LRAT: variants seen among roughly 807,000 people sequenced by gnomAD.
LRAT encodes lecithin retinol acyltransferase (phosphatidylcholine--retinol O-acyltransferase).
A neutral mutation model predicts 14.2 loss-of-function variants in LRAT; 11 were observed. That is an observed-to-expected ratio of 0.78 (90% CI 0.49 to 1.29). The LOEUF (loss-of-function observed/expected upper bound fraction) is 1.29, where lower values mean the gene tolerates loss of function less well. Among genes scored for constraint, LRAT ranks in the 50% most tolerant of loss-of-function variants. LRAT has a pLI of 0.00. For synonymous variants in LRAT, 144 were observed against 124.8 expected (o/e 1.15, Z -1.03); for missense variants, 274 against 292.4 (o/e 0.94, Z 0.46).
At chr4:154,741,739 A>G (rs1409009547), upstream of LRAT, among the ~76,000 whole-genome samples, 1 of 152,174 alleles carries the variant, frequency 6.6e-6, no homozygotes, top group East Asian at 1.9e-4. Flanking sequence ...GGACAAGGCT[A>G]TTGAGTCTAT....
At chr4:154,742,749 C>T (rs1455508035), upstream of LRAT, among the ~76,000 whole-genome samples, 5 of 152,314 alleles carry the variant, frequency 3.3e-5, no homozygotes, top group East Asian at 7.7e-4. Flanking sequence ...CCTAGGACCA[C>T]CCTCGAGGAG....
chr4:154,746,574 T>G (rs1308864597), intron 2 of LRAT, among the ~76,000 whole-genome samples: 1 of 152,120 alleles, frequency 6.6e-6, no homozygotes, highest in Non-Finnish European at 1.5e-5. Flanking sequence ...GCTCCCAAAG[T>G]GTACAAAAGG....
At position 154,751,445 on chromosome 4, in the gene LRAT, G is replaced by T. The variant is rs1732987044; in HGVS notation, c.*2309G>T. On this transcript the variant is annotated 3_prime_UTR_variant, in exon 3 of 3. Transcript: ENST00000336356. ...CATCTTCCTGATCACAGTTATAAAA[G>T]AAACCCTGAGGCCGGGCGCGGTGGC... is the stretch of plus-strand genomic sequence containing the variant. The T allele has an allele frequency of 6.6e-6, 1 of 152,086 alleles. No individual in the cohort carries two copies. Among genetic ancestry groups the T allele is most frequent in the Admixed American group, 6.6e-5 (1 of 15,256 alleles). The allele number at this position is 152,086 out of a possible 1,614,324, so 9.4% of individuals were successfully genotyped here.
At chr4:154,743,108 G>C (rs1231219926), upstream of LRAT, among the ~76,000 whole-genome samples, 4 of 141,586 alleles carry the variant, frequency 2.8e-5, no homozygotes, top group African/African-American at 5.1e-5. Flanking sequence ...CTGGACTCGC[G>C]GGTAGCGACC....
upstream of LRAT, among the ~76,000 whole-genome samples, chr4:154,742,112 G>C (rs1171042779): frequency 6.6e-6 from 1 of 152,158 alleles, no homozygotes; most frequent in Non-Finnish European, 1.5e-5. Context: ...CGATTTTAGC[G>C]AAGGGTGCTG....
upstream of LRAT, among the ~76,000 whole-genome samples, chr4:154,742,938 C>T (rs1290275999): frequency 1.3e-5 from 2 of 151,468 alleles, no homozygotes; most frequent in East Asian, 3.9e-4. Context: ...TCCATGTGAC[C>T]CTGAAGCCGG....
Position 154,749,835 on chromosome 4 carries a change from T to G in LRAT, c.*699T>G, listed in dbSNP as rs1732954810. On this transcript the variant is annotated 3_prime_UTR_variant, in exon 3 of 3. Transcript: ENST00000336356. The stretch of plus-strand genomic sequence containing the variant: ...TACTAGGAAGCCTGGAATTCATTAT[T>G]TTTTTCCTTTTATGTGCCACTGTGG... The G allele has an allele frequency of 6.6e-6, 1 of 152,236 alleles. No individual in the cohort carries two copies. The allele number at this position is 152,236 out of a possible 1,614,324, so 9.4% of individuals were successfully genotyped here.
Position 154,751,215 on chromosome 4 carries a change from A to G in LRAT, c.*2079A>G, listed in dbSNP as rs983001034. ...AAGAGAAATCTGTATGCAGGAGGCAATGCTAGCATTAAGCCAAGAAATAGT... is the reference window on the plus strand; with the variant it reads ...AAGAGAAATCTGTATGCAGGAGGCAGTGCTAGCATTAAGCCAAGAAATAGT... On this transcript the variant is annotated 3_prime_UTR_variant, in exon 3 of 3. Coordinates refer to ENST00000336356, the MANE Select transcript of LRAT (RefSeq NM_004744.5). 2.0e-5 allele frequency: 3 copies of G among 152,226 alleles called. No individual in the cohort carries two copies. The highest frequency in any genetic ancestry group is 7.2e-5 in the African/African-American group (3 of 41,464). 9.4% of individuals were successfully genotyped at this position (152,226 alleles called of 1,614,324 possible).
rs2111038135 is a variant in LRAT at position 154,748,988 on chromosome 4, G to A, written c.545G>A (p.Cys182Tyr). 3.7e-6 allele frequency: 6 copies of A among 1,613,600 alleles called. No homozygotes were observed. The highest frequency in any genetic ancestry group is 5.1e-6 in the Non-Finnish European group (6 of 1,179,652). The change falls in exon 3 of 3, where the codon TGT becomes TAT. Residue 182 changes from cysteine (C) to tyrosine (Y), a missense_variant. Coordinates refer to ENST00000336356, the MANE Select transcript of LRAT (RefSeq NM_004744.5). ...TTCCAATATTTTATTTTCCAGTTTT[G>A]TGAGACTGTGAAGATAATTATTCGT... is the stretch of plus-strand genomic sequence containing the variant. ...TPISPQSDKFCETVKIIIRDQ... is the reference protein window; with the variant it reads ...TPISPQSDKFYETVKIIIRDQ...
upstream of LRAT, among the ~76,000 whole-genome samples, chr4:154,743,631 G>A (rs928338842): frequency 1.3e-5 from 2 of 152,126 alleles, no homozygotes; most frequent in African/African-American, 4.8e-5. Flanking sequence ...GAGGAAGGTG[G>A]TCCAACTCAG....
intron 2 of LRAT, among the ~76,000 whole-genome samples, chr4:154,746,876 C>T (rs1414252504): frequency 6.6e-6 from 1 of 151,970 alleles, no homozygotes; most frequent in Non-Finnish European, 1.5e-5. Flanking sequence ...TGAGTTTTGT[C>T]TTCACTTTGA....
At position 154,744,364 on chromosome 4, in the gene LRAT, T is replaced by C. The variant is rs746808946; in HGVS notation, c.38T>C (p.Leu13Pro). ...NPMLEVVSLL[L>P]EKLLLISNFT... ...ATGCTGGAGGTGGTGTCTTTACTAC[T>C]GGAGAAGCTGCTCCTCATCTCCAAC... is the stretch of plus-strand genomic sequence containing the variant. Residue 13 changes from leucine to proline, a missense_variant, in exon 2 of 3, where the codon CTG becomes CCG. Coordinates refer to ENST00000336356, the MANE Select transcript of LRAT (RefSeq NM_004744.5). 2 of 1,614,134 alleles carry C rather than the reference T, an allele frequency of 1.2e-6. No individual in the cohort carries two copies. The highest frequency in any genetic ancestry group is 2.2e-5 in the East Asian group (1 of 44,852).
Position 154,744,466 on chromosome 4 carries a change from G to A in LRAT, c.140G>A (p.Arg47Gln), listed in dbSNP as rs892797111. 1.2e-6 allele frequency: 2 copies of A among 1,614,040 alleles called. No homozygotes were observed. The highest frequency in any genetic ancestry group is 1.7e-5 in the Admixed American group (1 of 60,012). The stretch of plus-strand genomic sequence containing the variant: ...TTTTATGAAACCAGCTCTTTCCACC[G>A]AGGCGACGTGCTGGAGGTGCCCCGG... ...NSFYETSSFHRGDVLEVPRTH... is the reference protein window; with the variant it reads ...NSFYETSSFHQGDVLEVPRTH... Residue 47 changes from arginine (R) to glutamine (Q), a missense_variant, in exon 2 of 3, where the codon CGA (arginine) becomes CAA (glutamine). Transcript: ENST00000336356.
Position 154,750,331 on chromosome 4 carries a change from A to T in LRAT, c.*1195A>T, listed in dbSNP as rs531290441. ...GTGGCTTAGTACTGCCAGTCATGTA[A>T]ATTGATTCTGCTGAGGGTCTTATAA... On this transcript the variant is annotated 3_prime_UTR_variant, in exon 3 of 3. Coordinates refer to ENST00000336356, the MANE Select transcript of LRAT (RefSeq NM_004744.5). The T allele has an allele frequency of 1.3e-5, 2 of 152,256 alleles. No individual in the cohort carries two copies. Among genetic ancestry groups the T allele is most frequent in the South Asian group, 4.1e-4 (2 of 4,826 alleles). 9.4% of individuals were successfully genotyped at this position (152,256 alleles called of 1,614,324 possible).
At position 154,744,860 on chromosome 4, in the gene LRAT, C is replaced by A; in HGVS notation, c.534C>A (p.Ser178=). The A allele has an allele frequency of 6.2e-7, 1 of 1,613,144 alleles. No individual in the cohort carries two copies. The highest frequency in any genetic ancestry group is 2.2e-5 in the East Asian group (1 of 44,852). Residue 178 remains serine, a synonymous_variant, in exon 2 of 3, where the codon TCC becomes TCA. Coordinates refer to ENST00000336356, the MANE Select transcript of LRAT (RefSeq NM_004744.5). ...CRYGTPISPQ[S]DKFCETVKII... ...ATGGCACCCCGATCAGTCCCCAGTC[C>A]GACAAGGTATGATGTGTGACTCCCA...
Position 154,749,269 on chromosome 4 carries a change from A to AATC in LRAT, c.*135_*137dup. On this transcript the variant is annotated 3_prime_UTR_variant, in exon 3 of 3. Coordinates refer to ENST00000336356, the MANE Select transcript of LRAT (RefSeq NM_004744.5). ...TGTTCTGGATAAAAATGTGATTAGG[A>AATC]ATCACGCAAAGTGCTTACTGTGTAA... The AATC allele has an allele frequency of 9.6e-7, 1 of 1,045,234 alleles. No homozygotes were observed. The highest frequency in any genetic ancestry group is 1.5e-6 in the Non-Finnish European group (1 of 678,436). 64.7% of individuals were successfully genotyped at this position (1,045,234 alleles called of 1,614,324 possible).
rs1732941891 is a variant in LRAT, at chr4:154,749,199, C to A, written c.*63C>A. ...AAATATGTTTATATTTATAGAGCAT[C>A]AATCAATATAAGCATTATTGAGAAA... On this transcript the variant is annotated 3_prime_UTR_variant, in exon 3 of 3. Coordinates refer to ENST00000336356, the MANE Select transcript of LRAT (RefSeq NM_004744.5). The A allele has an allele frequency of 6.6e-7, 1 of 1,518,116 alleles. No individual in the cohort carries two copies. The highest frequency in any genetic ancestry group is 9.1e-7 in the Non-Finnish European group (1 of 1,093,750). The allele number at this position is 1,518,116 out of a possible 1,614,324, so 94.0% of individuals were successfully genotyped here. A position where few individuals can be genotyped will look rare whatever the true frequency, so the allele number is the denominator to read the frequency against.
chr4:154,747,954 C>A (rs2111036976), intron 2 of LRAT, among the ~76,000 whole-genome samples: 1 of 152,222 alleles, frequency 6.6e-6, no homozygotes, highest in African/African-American at 2.4e-5. Flanking sequence ...TTCATTCTAT[C>A]ACTTAATAAT....
rs1732995086 is a variant in LRAT at position 154,751,664 on chromosome 4, G to A, written c.*2528G>A. On this transcript the variant is annotated 3_prime_UTR_variant, in exon 3 of 3. Transcript: ENST00000336356. The stretch of plus-strand genomic sequence containing the variant: ...CAGGAGAATGGCGTGAACCGAGGAG[G>A]CGGAGCTTGCAGTGAGTGGAAATTG... 1 of 147,728 alleles carries A rather than the reference G, an allele frequency of 6.8e-6. No individual in the cohort carries two copies. Among genetic ancestry groups the A allele is most frequent in the Non-Finnish European group, 1.5e-5 (1 of 67,606 alleles). The allele number at this position is 147,728 out of a possible 1,614,324, so 9.2% of individuals were successfully genotyped here. A position where few individuals can be genotyped will look rare whatever the true frequency, so the allele number is the denominator to read the frequency against.
Sources: allele counts gnomAD v4.1 joint callset (sites outside exome capture counted in the v4.1 genomes callset), GRCh38; gene constraint gnomAD v4.1.1; transcripts MANE v1.5; gene names NCBI Gene and HGNC (gene_info 2026-07-23, HGNC 2026-07-21).